The following RERE variants were observed in gnomAD, a reference collection of about 807,000 sequenced individuals.
The protein encoded by RERE is arginine-glutamic acid dipeptide repeats, also known as arginine-glutamic acid dipeptide repeats protein.
In RERE, 40 loss-of-function variants were observed where a neutral mutation model predicts 146.1. The observed-to-expected ratio is 0.27, with a 90% CI of 0.21 to 0.36. RERE has a LOEUF of 0.36. RERE is among the 10% of genes least tolerant of loss of function. The probability of loss-of-function intolerance (pLI) is 1.00; values close to 1 mark genes in which losing one functional copy is unlikely to be tolerated. For missense variants in RERE, 1,933 were observed against 2,138.7 expected (o/e 0.90, Z 1.90); for synonymous variants, 1,003 against 866.0 (o/e 1.16, Z -2.78).
chr1:8,671,638 A>C lies in RERE; in HGVS notation c.-144-15197T>G, dbSNP rs180712432. ...TCTAAAAAGAGTTGTCAGATTTAAA[A>C]ATTAGCTTTGTTAACATTTCTGAGG... On this transcript the variant is annotated intron_variant, in intron 1 of 22. Transcript: ENST00000400908. Among the ~76,000 whole-genome samples the C allele has an allele frequency of 4.9e-4, 75 of 152,362 alleles. No homozygotes were observed. The East Asian group carries it at 9.4e-3, about 19-fold the overall frequency.
rs1175155166 is a variant in RERE at position 8,720,229 on chromosome 1, C to T, written c.-144-63788G>A. ...CAGAGGTTGCAATGAGCCGAGATCG[C>T]GCCACAGCACTCCAGCCTGGCGGCA... On this transcript the variant is annotated intron_variant, in intron 1 of 22. Transcript: ENST00000400908. Among the ~76,000 whole-genome samples the T allele has an allele frequency of 6.0e-5, 9 of 150,620 alleles. No individual in the cohort carries two copies. The South Asian group carries it at 6.3e-4, about 11-fold the overall frequency.
chr1:8,389,956 C>G (rs1642828048), intron 12 of RERE, among the ~76,000 whole-genome samples: 1 of 152,132 alleles, frequency 6.6e-6, no homozygotes, highest in Non-Finnish European at 1.5e-5. Context: ...CTCTGTGGAC[C>G]TGTCAAGACA....
At chr1:8,810,660 T>C (rs1219499132) in intron 1 of RERE, among the ~76,000 whole-genome samples, 1 of 152,190 alleles carries the variant, frequency 6.6e-6, no homozygotes, top group East Asian at 1.9e-4. Context: ...CATCTCAAAC[T>C]GTGTTCTATT....
intron 7 of RERE, 51 bp from the exon 8 acceptor site, chr1:8,508,726 A>C: frequency 4.2e-6 from 6 of 1,412,688 alleles, no homozygotes; most frequent in Non-Finnish European, 5.9e-6. Flanking sequence ...TTTTGACATA[A>C]ACATTCACAC....
intron 4 of RERE, among the ~76,000 whole-genome samples, chr1:8,607,530 A>ATTTTTTTTTTTTTTT (rs1646732347): frequency 1.0e-4 from 6 of 57,592 alleles, no homozygotes; most frequent in East Asian, 9.6e-4. Flanking sequence ...TTTTATATAT[A>ATTTTTTTTTTTTTTT]TTTCTTTTTT....
chr1:8,629,622 CAAAG>C (rs970605342), intron 2 of RERE, among the ~76,000 whole-genome samples: 7 of 152,262 alleles, frequency 4.6e-5, no homozygotes, highest in African/African-American at 1.7e-4. Context: ...TTATGAAACA[CAAAG>C]AACCTGTCAG....
intron 6 of RERE, among the ~76,000 whole-genome samples, chr1:8,548,678 C>T (rs765992776): frequency 1.3e-5 from 2 of 152,150 alleles, no homozygotes; most frequent in South Asian, 2.1e-4. Flanking sequence ...TTATAAATAA[C>T]GGAAAGTGAA....
intron 7 of RERE, 142 bp downstream of exon 7, chr1:8,541,072 G>C (rs772670244): frequency 6.1e-5 from 25 of 412,506 alleles, no homozygotes; most frequent in African/African-American, 2.0e-5. Context: ...GAAGTTTACT[G>C]AAGGACTCTG....
Position 8,757,283 on chromosome 1 carries a change from T to G in RERE, c.-145+59877A>C, listed in dbSNP as rs534056662. On this transcript the variant is annotated intron_variant, in intron 1 of 22. Coordinates refer to ENST00000400908, the MANE Select transcript of RERE (RefSeq NM_001042681.2). ...CATTCCTAATAATCACTGTCCTGTA[T>G]GAACTTTCCCTAGCAAATTACTGCC... Among the ~76,000 whole-genome samples the G allele has an allele frequency of 2.6e-5, 4 of 152,316 alleles. No homozygotes were observed. In the East Asian group the frequency reaches 7.7e-4, roughly 29 times the overall value.
intron 7 of RERE, among the ~76,000 whole-genome samples, chr1:8,516,074 G>A (rs957987016): frequency 6.6e-6 from 1 of 151,344 alleles, no homozygotes; most frequent in African/African-American, 2.4e-5. Flanking sequence ...TTAGCCAAGC[G>A]TGGTAGTGGG....
rs151126299 is a variant in RERE, at chr1:8,360,504, G to A, written c.3003C>T (p.Pro1001=). ...TCTGGGTCAGCCCGGGGGGCTGGGC[G>A]GGCGAGGAGGGCAATGGCTGGCTCT... ...MPQSQPLPSS[P]AQPPGLTQSQ... Residue 1001 remains proline (P), a synonymous_variant, in exon 18 of 23, where the codon CCC becomes CCT. Coordinates refer to ENST00000400908, the MANE Select transcript of RERE (RefSeq NM_001042681.2). 3.5e-3 allele frequency: 4,742 copies of A among 1,371,408 alleles called. 46 individuals carry two copies. Among genetic ancestry groups the A allele is most frequent in the African/African-American group, 0.031 (2,004 of 63,620 alleles). 85.0% of individuals were successfully genotyped at this position (1,371,408 alleles called of 1,614,324 possible).
At chr1:8,362,903 C>G (rs1251021679) in intron 15 of RERE, 59 bp from the exon 16 acceptor site, 1 of 1,559,510 alleles carries the variant, frequency 6.4e-7, no homozygotes, top group African/African-American at 1.4e-5. Flanking sequence ...GTGGACCCAC[C>G]TGAGCCCAAC....
chr1:8,736,459 G>A (rs772262994), intron 1 of RERE, among the ~76,000 whole-genome samples: 17 of 151,992 alleles, frequency 1.1e-4, no homozygotes, highest in East Asian at 3.8e-4. Context: ...CACCCACCTC[G>A]GCCTCCCAAA....
At chr1:8,575,096 A>G (rs150113505) in intron 4 of RERE, among the ~76,000 whole-genome samples, 1 of 152,330 alleles carries the variant, frequency 6.6e-6, no homozygotes. Context: ...GAGAACCCTA[A>G]AACAACTTAT....
At chr1:8,672,582 T>A (rs1638742608) in intron 1 of RERE, among the ~76,000 whole-genome samples, 1 of 152,228 alleles carries the variant, frequency 6.6e-6, no homozygotes, top group South Asian at 2.1e-4. Flanking sequence ...TTCTATCTAC[T>A]CCTGTGCAAA....
chr1:8,703,132 A>C (rs1259375824), intron 1 of RERE: 1 of 151,962 alleles, frequency 6.6e-6, no homozygotes, highest in Non-Finnish European at 1.5e-5. Flanking sequence ...CCAACTCCGG[A>C]CCCGCGGAAA....
intron 12 of RERE, among the ~76,000 whole-genome samples, chr1:8,392,537 T>A (rs977715948): frequency 8.5e-5 from 13 of 152,184 alleles, no homozygotes; most frequent in African/African-American, 2.4e-4. Flanking sequence ...ACAAAACATT[T>A]GCCTTTTCCT....
intron 1 of RERE, among the ~76,000 whole-genome samples, chr1:8,669,251 T>C (rs1638658656): frequency 6.6e-6 from 1 of 152,008 alleles, no homozygotes; most frequent in African/African-American, 2.4e-5. Context: ...AATTTTTTTG[T>C]ATTCTGCAAA....
chr1:8,508,200 A>T (rs1645282948), intron 8 of RERE, among the ~76,000 whole-genome samples: 1 of 152,342 alleles, frequency 6.6e-6, no homozygotes, highest in South Asian at 2.1e-4. Context: ...ATGCTGAGTG[A>T]AATAAATCAG....
Sources: allele counts gnomAD v4.1 joint callset (sites outside exome capture counted in the v4.1 genomes callset), GRCh38; gene constraint gnomAD v4.1.1; transcripts MANE v1.5; gene names NCBI Gene and HGNC (gene_info 2026-07-23, HGNC 2026-07-21).